TMPO: variants seen among roughly 807,000 people sequenced by gnomAD.
The protein encoded by TMPO is LEM domain containing 4.
TMPO carries 22 observed loss-of-function variants against 45.4 expected under a neutral mutation model. The observed-to-expected ratio is 0.48, with a 90% CI of 0.35 to 0.69. The LOEUF (loss-of-function observed/expected upper bound fraction) is 0.69, where lower values mean the gene tolerates loss of function less well. Among genes scored for constraint, TMPO ranks in the 30% least tolerant of loss-of-function variants. The pLI, the probability that TMPO is intolerant of heterozygous loss-of-function variation, is 0.01. For synonymous variants in TMPO, 241 were observed against 204.1 expected, an observed-to-expected ratio of 1.18 and a Z score of -1.54; for missense variants, 512 against 548.8, an observed-to-expected ratio of 0.93 and a Z score of 0.67.
intron 4 of TMPO, among the ~76,000 whole-genome samples, chr12:98,540,077 T>G (rs1384223684): frequency 6.6e-6 from 1 of 152,260 alleles, no homozygotes; most frequent in Non-Finnish European, 1.5e-5. Context: ...CTCAAGTCTG[T>G]AGCTGTTACC....
chr12:98,533,322 T>C, intron 3 of TMPO: 1 of 1,614,090 alleles, frequency 6.2e-7, no homozygotes, highest in South Asian at 1.1e-5. Context: ...CTCTCTCCAG[T>C]AAAAGGAAAG....
intron 1 of TMPO, among the ~76,000 whole-genome samples, chr12:98,523,087 T>C (rs1032480699): frequency 6.6e-6 from 1 of 152,216 alleles, no homozygotes; most frequent in Non-Finnish European, 1.5e-5. Context: ...AGTGATCTAC[T>C]TAAAGGAACA....
chr12:98,516,501 G>A, intron 1 of TMPO: 2 of 1,083,160 alleles, frequency 1.8e-6, no homozygotes, highest in East Asian at 5.9e-5. Context: ...TGGAGGGGTG[G>A]CCCCAAAATG....
chr12:98,533,144 C>T, intron 3 of TMPO: 1 of 1,614,180 alleles, frequency 6.2e-7, no homozygotes, highest in Non-Finnish European at 8.5e-7. Flanking sequence ...TCGTCATCTT[C>T]TCAGCCTGAA....
At chr12:98,522,270 C>T (rs1407030633) in intron 1 of TMPO, among the ~76,000 whole-genome samples, 1 of 152,174 alleles carries the variant, frequency 6.6e-6, no homozygotes, top group Non-Finnish European at 1.5e-5. Context: ...CTGCTTAGGC[C>T]TCCCAAAGCG....
At chr12:98,532,753 A>G in intron 3 of TMPO, 1 of 1,611,418 alleles carries the variant, frequency 6.2e-7, no homozygotes, top group Admixed American at 1.7e-5. Context: ...ATTTTTAGCA[A>G]AGAGGCAAAG....
chr12:98,538,553 G>A (rs376992553), intron 4 of TMPO, among the ~76,000 whole-genome samples: 4 of 151,968 alleles, frequency 2.6e-5, no homozygotes, highest in African/African-American at 2.4e-5. Flanking sequence ...GGGTTTCACC[G>A]TGTTGGCCAG....
chr12:98,534,084 T>C (rs1402910229), intron 3 of TMPO: 1 of 1,612,100 alleles, frequency 6.2e-7, no homozygotes, highest in East Asian at 2.2e-5. Flanking sequence ...CAGATCCTAG[T>C]CGTACCCACC....
chr12:98,549,270 A>T lies in TMPO; in HGVS notation c.*1412A>T, dbSNP rs1417933203. On this transcript the variant is annotated 3_prime_UTR_variant, in exon 9 of 9. Coordinates refer to ENST00000556029, the MANE Select transcript of TMPO (RefSeq NM_001032283.3). ...ATGGAGTCTCACTCTTGTCACCCAG[A>T]CTGTAGTGCAGTGGCACGATCTGGG... is the stretch of plus-strand genomic sequence containing the variant. 6.6e-6 allele frequency: 1 copy of T among 152,072 alleles called. No homozygotes were observed. 9.4% of individuals were successfully genotyped at this position (152,072 alleles called of 1,614,324 possible).
At chr12:98,534,852 C>T (rs1008077590) in intron 3 of TMPO, 2 of 1,001,056 alleles carry the variant, frequency 2.0e-6, no homozygotes, top group African/African-American at 3.5e-5. Flanking sequence ...TTATTCATGT[C>T]TGCAACATCA....
intron 7 of TMPO, 71 bp downstream of exon 7, chr12:98,545,132 T>G (rs896462335): frequency 1.1e-5 from 11 of 1,008,928 alleles, no homozygotes; most frequent in African/African-American, 3.5e-5. Context: ...TTTGTTTGTT[T>G]TTTTTTTTTT....
intron 3 of TMPO, chr12:98,534,233 AAATT>A: frequency 6.2e-7 from 1 of 1,613,936 alleles, no homozygotes; most frequent in Non-Finnish European, 8.5e-7. Context: ...AAGGATTGCA[AAATT>A]AATTTAGCTT....
chr12:98,536,985 G>C (rs1487447118), intron 3 of TMPO, among the ~76,000 whole-genome samples: 2 of 152,128 alleles, frequency 1.3e-5, no homozygotes, highest in Non-Finnish European at 2.9e-5. Flanking sequence ...GTTACTTATA[G>C]AAGCTTGGTA....
chr12:98,516,220 C>G, intron 1 of TMPO, 74 bp downstream of exon 1: 1 of 1,310,998 alleles, frequency 7.6e-7, no homozygotes, highest in Admixed American at 4.2e-5. Context: ...CGTTTGCAGC[C>G]CCTCCCTCCC....
At chr12:98,523,311 T>A (rs1049248646) in intron 1 of TMPO, among the ~76,000 whole-genome samples, 2 of 152,188 alleles carry the variant, frequency 1.3e-5, no homozygotes, top group African/African-American at 4.8e-5. Context: ...CCCAGCACTT[T>A]GGGAGGCCGA....
chr12:98,532,794 T>G, intron 3 of TMPO: 1 of 1,614,086 alleles, frequency 6.2e-7, no homozygotes. Context: ...AGGTAATGCT[T>G]AAACTTCCTG....
intron 1 of TMPO, among the ~76,000 whole-genome samples, chr12:98,521,504 T>A (rs1322010299): frequency 6.6e-6 from 1 of 152,182 alleles, no homozygotes; most frequent in Non-Finnish European, 1.5e-5. Context: ...GACAAAACTT[T>A]GCATGTTAAA....
chr12:98,545,980 G>A (rs961506988), intron 7 of TMPO, among the ~76,000 whole-genome samples: 2 of 152,218 alleles, frequency 1.3e-5, no homozygotes, highest in African/African-American at 2.4e-5. Context: ...TGATCCACCC[G>A]CCTCAGCCTC....
chr12:98,535,715 C>G, intron 3 of TMPO: 2 of 939,262 alleles, frequency 2.1e-6, no homozygotes, highest in African/African-American at 1.8e-5. Flanking sequence ...ATATGAACAC[C>G]CCTTTTCCAT....
Sources: gnomAD v4.1 joint callset for allele counts (sites outside exome capture counted in the v4.1 genomes callset) on GRCh38, gnomAD v4.1.1 for gene constraint, MANE v1.5 for transcripts, NCBI Gene and HGNC (gene_info 2026-07-23, HGNC 2026-07-21) for gene names.